SHANK2: variants seen among roughly 807,000 people sequenced by gnomAD.
SHANK2 encodes SH3 and multiple ankyrin repeat domains 2.
In SHANK2, 43 loss-of-function variants were observed where a neutral mutation model predicts 133.7. The observed-to-expected ratio is 0.32, with a 90% CI of 0.25 to 0.41. The LOEUF (loss-of-function observed/expected upper bound fraction) is 0.41. Ranked by LOEUF, SHANK2 falls within the 10% of genes least tolerant of loss-of-function variation. The pLI is 1.00. For synonymous variants in SHANK2, 1,017 were observed against 952.8 expected (o/e 1.07, Z -1.24); for missense variants, 1,994 against 2,235.8 (o/e 0.89, Z 2.18).
intron 2 of SHANK2, among the ~76,000 whole-genome samples, chr11:71,179,057 T>A (rs57924338): frequency 1.3e-5 from 2 of 152,152 alleles, no homozygotes; most frequent in East Asian, 3.8e-4. Flanking sequence ...GAGGATTATA[T>A]TTTTTTCCAG....
intron 11 of SHANK2, among the ~76,000 whole-genome samples, chr11:70,846,120 A>G (rs73532100): frequency 0.036 from 5,524 of 152,198 alleles, 287 homozygotes; most frequent in African/African-American, 0.12. Flanking sequence ...CCAGTGGGAC[A>G]GCACCCCCAG....
chr11:71,095,565 C>T (rs782553846), intron 6 of SHANK2, among the ~76,000 whole-genome samples: 13 of 152,164 alleles, frequency 8.5e-5, no homozygotes, highest in East Asian at 1.9e-4. Context: ...AATATTCACT[C>T]GGTCTCGAAG....
At chr11:70,835,258 C>A (rs2921337) in intron 11 of SHANK2, among the ~76,000 whole-genome samples, 94,696 of 152,046 alleles carry the variant, frequency 0.62, 29,998 homozygotes, top group South Asian at 0.77. Context: ...ATGAACCATC[C>A]CTGTGGTGGC....
At chr11:70,869,703 G>A (rs555635241) in intron 11 of SHANK2, among the ~76,000 whole-genome samples, 6 of 152,294 alleles carry the variant, frequency 3.9e-5, no homozygotes, top group East Asian at 3.9e-4. Context: ...GGTGACCACC[G>A]TGTCATCTTG....
intron 17 of SHANK2, among the ~76,000 whole-genome samples, chr11:70,608,393 C>T (rs999203757): frequency 1.3e-5 from 2 of 152,176 alleles, no homozygotes; most frequent in East Asian, 1.9e-4. Flanking sequence ...GGCCACCTGG[C>T]GATGGGAACT....
intron 1 of SHANK2, among the ~76,000 whole-genome samples, chr11:71,230,428 G>T (rs1352971396): frequency 6.6e-6 from 1 of 152,072 alleles, no homozygotes; most frequent in South Asian, 2.1e-4. Flanking sequence ...AATTATCTGG[G>T]TGTGGTGGCG....
At chr11:70,577,664 C>G (rs1037146998) in intron 17 of SHANK2, among the ~76,000 whole-genome samples, 5 of 152,202 alleles carry the variant, frequency 3.3e-5, no homozygotes, top group African/African-American at 4.8e-5. Context: ...AGGCCCACCC[C>G]CACCTGAGCA....
intron 17 of SHANK2, among the ~76,000 whole-genome samples, chr11:70,580,949 A>G (rs1465695593): frequency 6.6e-6 from 1 of 152,108 alleles, no homozygotes; most frequent in African/African-American, 2.4e-5. Context: ...CTCTGCCCTG[A>G]CCTGGAGCCC....
intron 14 of SHANK2, among the ~76,000 whole-genome samples, chr11:70,754,571 C>T (rs1383914965): frequency 6.6e-6 from 1 of 152,206 alleles, no homozygotes; most frequent in Non-Finnish European, 1.5e-5. Flanking sequence ...CAGCCTCCCC[C>T]CGGTGAGCTC....
rs1555012971 is a variant in SHANK2, at chr11:70,660,531, G to C, written c.1937-579C>G. Reference sequence around the variant, plus strand: ...CCTGGGCACTGGCATGTGTGTGTGTGGGTGCTGAACCACTACTGCCCAGCA... The same window carrying C: ...CCTGGGCACTGGCATGTGTGTGTGTCGGTGCTGAACCACTACTGCCCAGCA... On this transcript the variant is annotated intron_variant, in intron 16 of 25. Transcript: ENST00000601538. 2.0e-5 allele frequency among the ~76,000 whole-genome samples: 3 copies of C among 152,324 alleles called. No homozygotes were observed. In the South Asian group the frequency reaches 6.2e-4, roughly 32 times the overall value.
chr11:70,612,308 C>A (rs557372257), intron 17 of SHANK2, among the ~76,000 whole-genome samples: 3 of 152,326 alleles, frequency 2.0e-5, no homozygotes, highest in African/African-American at 7.2e-5. Context: ...GGAAGCCTAC[C>A]TGTAGCCCCC....
rs1033394533 is a variant in SHANK2, at chr11:70,535,496, G to A, written c.2062-32565C>T. On this transcript the variant is annotated intron_variant, in intron 17 of 25. Transcript: ENST00000601538. This position sits in a 1 kb window ranked among gnomAD's most constrained non-coding sequence, Gnocchi z 4.3. ...CATCCATCCATCCATCCATCCATCC[G>A]TCCGTCCGTCCATCTATTCATCCAT... Among the ~76,000 whole-genome samples, 9 of 150,696 alleles carry A rather than the reference G, an allele frequency of 6.0e-5. No individual in the cohort carries two copies. The highest frequency in any genetic ancestry group is 8.8e-5 in the Non-Finnish European group (6 of 67,992).
chr11:70,645,160 G>A (rs1218950802), intron 17 of SHANK2, among the ~76,000 whole-genome samples: 1 of 152,124 alleles, frequency 6.6e-6, no homozygotes, highest in Non-Finnish European at 1.5e-5. Flanking sequence ...GCAGTGGGCC[G>A]AGATCACGCC....
chr11:70,588,240 C>T (rs782621040), intron 17 of SHANK2, among the ~76,000 whole-genome samples: 1 of 152,072 alleles, frequency 6.6e-6, no homozygotes, highest in South Asian at 2.1e-4. Flanking sequence ...AGAAATAAGG[C>T]CAATTAATGA....
intron 10 of SHANK2, among the ~76,000 whole-genome samples, chr11:70,953,733 C>T (rs2135907422): frequency 6.6e-6 from 1 of 152,336 alleles, no homozygotes; most frequent in African/African-American, 2.4e-5. Context: ...CTCAAATGTC[C>T]ACCTTCTCTG....
chr11:70,630,138 T>C (rs913645150), intron 17 of SHANK2, among the ~76,000 whole-genome samples: 1 of 152,220 alleles, frequency 6.6e-6, no homozygotes, highest in Non-Finnish European at 1.5e-5. Flanking sequence ...GAAGGTTCCC[T>C]GATGGCAGTG....
chr11:71,189,029 C>G (rs1953733696), intron 2 of SHANK2, among the ~76,000 whole-genome samples: 1 of 152,214 alleles, frequency 6.6e-6, no homozygotes, highest in Non-Finnish European at 1.5e-5. Context: ...CCACAGACGG[C>G]CAGGGAAGAC....
chr11:70,743,784 T>C lies in SHANK2; in HGVS notation c.1778-45021A>G, dbSNP rs115619258. Among the ~76,000 whole-genome samples, 1,459 of 152,304 alleles carry C rather than the reference T, an allele frequency of 9.6e-3. 21 individuals are homozygous for C. The highest frequency in any genetic ancestry group is 0.034 in the African/African-American group (1,410 of 41,560). ...AACTCTGCCCAGCTCCTACATTCCCTGTCCACCAATTCCTGTGGATTCAGG... is the reference window on the plus strand; with the variant it reads ...AACTCTGCCCAGCTCCTACATTCCCCGTCCACCAATTCCTGTGGATTCAGG... On this transcript the variant is annotated intron_variant, in intron 14 of 25. Transcript: ENST00000601538.
At chr11:70,688,904 A>AT (rs1442208915) in intron 15 of SHANK2, among the ~76,000 whole-genome samples, 2 of 152,126 alleles carry the variant, frequency 1.3e-5, no homozygotes, top group Middle Eastern at 3.2e-3. Context: ...CAGCACTTCA[A>AT]TTTTCAATTT....
Sources: gnomAD v4.1 joint callset for allele counts (sites outside exome capture counted in the v4.1 genomes callset) on GRCh38, gnomAD v4.1.1 for gene constraint, Gnocchi (gnomAD v3.1) non-coding constraint, MANE v1.5 for transcripts, NCBI Gene and HGNC (gene_info 2026-07-23, HGNC 2026-07-21) for gene names.